CSTF3: variants seen among roughly 807,000 people sequenced by gnomAD.
CSTF3 encodes the protein CF-1 77 kDa subunit.
Under a neutral mutation model 105.8 loss-of-function variants are expected in CSTF3, and 29 were observed. That is an observed-to-expected ratio of 0.27 (90% confidence interval 0.20 to 0.37). The LOEUF (loss-of-function observed/expected upper bound fraction) is 0.37, where lower values mean the gene tolerates loss of function less well. Ranked by LOEUF, CSTF3 falls within the 10% of genes least tolerant of loss-of-function variation. CSTF3 has a pLI of 1.00. For missense variants in CSTF3, 357 were observed against 879.3 expected (o/e 0.41, Z 7.51); for synonymous variants, 252 against 281.9 (o/e 0.89, Z 1.06).
intron 3 of CSTF3, among the ~76,000 whole-genome samples, chr11:33,131,622 G>A (rs534954786): frequency 9.9e-5 from 15 of 152,174 alleles, no homozygotes; most frequent in South Asian, 2.1e-4. Context: ...CGAGGCAGGC[G>A]GATCACGAGG....
rs1425693457 is a variant in CSTF3 at position 33,102,247 on chromosome 11, C to G, written c.756G>C (p.Trp252Cys). Residue 252 changes from tryptophan to cysteine, a missense_variant, in exon 10 of 21, where the codon TGG (tryptophan) becomes TGC (cysteine). Physicochemically the swap from Trp to Cys is radical, Grantham distance 215 (BLOSUM62 -2). Around this residue, in one of 4 missense-constraint regions of CSTF3, gnomAD observed 206 missense variants for 576.5 expected, o/e 0.36. Coordinates refer to ENST00000323959, the MANE Select transcript of CSTF3 (RefSeq NM_001326.3). ...TPQEAQQVDM[W>C]KKYIQWEKSN... is the part of the protein sequence containing the mutation. ...TCTTTTCCCACTGTATATATTTCTT[C>G]CACATATCTACTTGTTGAGCTTCTT... is the stretch of plus-strand genomic sequence containing the variant. 6.2e-7 allele frequency: 1 copy of G among 1,613,776 alleles called. No homozygotes were observed. Among genetic ancestry groups the G allele is most frequent in the Non-Finnish European group, 8.5e-7 (1 of 1,179,822 alleles).
At chr11:33,096,711 A>G (rs1413722300) in intron 14 of CSTF3, 124 bp downstream of exon 14, 1 of 917,642 alleles carries the variant, frequency 1.1e-6, no homozygotes, top group Non-Finnish European at 1.6e-6. Flanking sequence ...ACACAGATAC[A>G]CTTAGACTGC....
At chr11:33,085,610 G>A (rs1243803882) in intron 20 of CSTF3, 103 bp downstream of exon 20, 13 of 1,040,566 alleles carry the variant, frequency 1.2e-5, no homozygotes, top group Admixed American at 1.1e-4. Flanking sequence ...CTTCAAATTG[G>A]CTGGCTGGTT....
At chr11:33,086,057 G>A in intron 18 of CSTF3, 68 bp from the exon 19 acceptor site, 1 of 968,888 alleles carries the variant, frequency 1.0e-6, no homozygotes, top group Non-Finnish European at 1.5e-6. Context: ...AAAATCAAGT[G>A]ACTTGCACAT....
At chr11:33,133,162 T>C (rs530870549) in intron 3 of CSTF3, among the ~76,000 whole-genome samples, 11 of 152,272 alleles carry the variant, frequency 7.2e-5, no homozygotes, top group African/African-American at 2.6e-4. Flanking sequence ...GACTTTCCAA[T>C]AGTTTTCAAA....
chr11:33,115,271 G>A (rs986101048), intron 3 of CSTF3, among the ~76,000 whole-genome samples: 2 of 152,130 alleles, frequency 1.3e-5, no homozygotes, highest in African/African-American at 2.4e-5. Flanking sequence ...AAATCTGAAA[G>A]CAAATGGAAT....
rs1855255125 is a variant in CSTF3, at chr11:33,099,208, A to C, written c.937-58T>G. On this transcript the variant is annotated intron_variant, in intron 11 of 20. Transcript: ENST00000323959. This position sits in a 1 kb window ranked among gnomAD's most constrained non-coding sequence, Gnocchi z 4.1. ...AATTTTAATATAGTTGTGAGAGAAT[A>C]AAATTAATAAAGTTACATCTACTTT... The C allele has an allele frequency of 1.3e-6, 2 of 1,540,608 alleles. No individual in the cohort carries two copies. The highest frequency in any genetic ancestry group is 1.7e-6 in the Non-Finnish European group (2 of 1,150,052).
At chr11:33,157,290 G>A (rs1849879105) in intron 1 of CSTF3, among the ~76,000 whole-genome samples, 1 of 152,152 alleles carries the variant, frequency 6.6e-6, no homozygotes, top group Non-Finnish European at 1.5e-5. Flanking sequence ...GGGAGGCGGA[G>A]GTTGCAGTGA....
chr11:33,108,440 T>G (rs201713270), intron 3 of CSTF3, 22 bp from the exon 4 acceptor site: 14 of 1,445,768 alleles, frequency 9.7e-6, no homozygotes, highest in Non-Finnish European at 1.3e-5. Context: ...CAGAAAAATA[T>G]AGAATTAATA....
chr11:33,132,650 T>C (rs372271268), intron 3 of CSTF3, among the ~76,000 whole-genome samples: 25 of 152,326 alleles, frequency 1.6e-4, no homozygotes, highest in African/African-American at 5.8e-4. Flanking sequence ...TGGCAAATAT[T>C]CCCATGGATA....
chr11:33,088,602 TTTA>T (rs1855132325), intron 17 of CSTF3, among the ~76,000 whole-genome samples: 1 of 151,440 alleles, frequency 6.6e-6, no homozygotes, highest in Non-Finnish European at 1.5e-5. Context: ...TTCTTTTCTG[TTTA>T]TTTTTATTTT....
In CSTF3 at chr11:33,102,295, C is replaced by T. The variant is rs1294216586; in HGVS notation, c.708G>A (p.Ser236=). 4.3e-6 allele frequency: 7 copies of T among 1,613,896 alleles called. No individual in the cohort carries two copies. The highest frequency in any genetic ancestry group is 4.5e-5 in the East Asian group (2 of 44,874). Residue 236 remains serine (S), a synonymous_variant, in exon 10 of 21, where the codon TCG becomes TCA. Transcript: ENST00000323959. ...VMKGLDRNAP[S]VPPQNTPQEA... is the part of the protein sequence containing the mutation. ...CTTGAGGAGTATTCTGAGGAGGCACCGAGGGAGCATTACGGTCCAAGCCTT... is the reference window on the plus strand; with the variant it reads ...CTTGAGGAGTATTCTGAGGAGGCACTGAGGGAGCATTACGGTCCAAGCCTT...
chr11:33,138,120 C>A (rs1855673706), intron 3 of CSTF3, among the ~76,000 whole-genome samples: 1 of 151,642 alleles, frequency 6.6e-6, no homozygotes, highest in South Asian at 2.1e-4. Flanking sequence ...ACAATCAATT[C>A]TCTATATGCT....
chr11:33,097,530 C>T (rs188760901), intron 13 of CSTF3, among the ~76,000 whole-genome samples: 5 of 152,088 alleles, frequency 3.3e-5, no homozygotes, highest in African/African-American at 7.2e-5. Context: ...CCACCACACC[C>T]GGCTAATTTT....
At chr11:33,134,311 G>A (rs148383855) in intron 3 of CSTF3, 6 of 152,302 alleles carry the variant, frequency 3.9e-5, no homozygotes, top group Non-Finnish European at 8.8e-5. Flanking sequence ...GTGATCTGCC[G>A]TGATTGGATC....
Position 33,103,123 on chromosome 11 carries a change from G to A in CSTF3, c.647C>T (p.Ala216Val). ...ATTCCATACCTTTGCTACACGTCTA[G>A]CATTCATATAATCTCTACTCCGATC... is the stretch of plus-strand genomic sequence containing the variant. Reference protein sequence around the residue: ...IEDRSRDYMNARRVAKEYETV... With the variant: ...IEDRSRDYMNVRRVAKEYETV... Residue 216 changes from alanine to valine, a missense_variant, in exon 9 of 21, where the codon GCT becomes GTT. By Grantham distance (64) the Ala-to-Val change is moderately conservative (BLOSUM62 0). Coordinates refer to ENST00000323959, the MANE Select transcript of CSTF3 (RefSeq NM_001326.3). The A allele has an allele frequency of 6.4e-7, 1 of 1,573,062 alleles. No individual in the cohort carries two copies. The highest frequency in any genetic ancestry group is 8.6e-7 in the Non-Finnish European group (1 of 1,161,616).
At chr11:33,157,198 C>T (rs2133811383) in intron 1 of CSTF3, among the ~76,000 whole-genome samples, 1 of 152,040 alleles carries the variant, frequency 6.6e-6, no homozygotes, top group Middle Eastern at 3.4e-3. Context: ...ACTAAAAATA[C>T]AAAAAAATTA....
chr11:33,102,066 G>C, intron 10 of CSTF3, 111 bp downstream of exon 10: 1 of 737,062 alleles, frequency 1.4e-6, no homozygotes, highest in Non-Finnish European at 2.2e-6. Context: ...TATTGAATCT[G>C]AAGAACAAAA....
At chr11:33,115,282 C>A (rs1035528866) in intron 3 of CSTF3, among the ~76,000 whole-genome samples, 1 of 152,156 alleles carries the variant, frequency 6.6e-6, no homozygotes, top group Non-Finnish European at 1.5e-5. Flanking sequence ...CAAATGGAAT[C>A]CTAAATATAA....
Sources: allele counts gnomAD v4.1 joint callset (sites outside exome capture counted in the v4.1 genomes callset), GRCh38; gene constraint gnomAD v4.1.1; regional missense constraint gnomAD v4.1.1; non-coding constraint Gnocchi (gnomAD v3.1); transcripts MANE v1.5; gene names NCBI Gene and HGNC (gene_info 2026-07-23, HGNC 2026-07-21).